The following C5 variants were observed in gnomAD, a reference collection of about 807,000 sequenced individuals.
C5 encodes C3 and PZP-like alpha-2-macroglobulin domain-containing protein 4.
C5 carries 140 observed loss-of-function variants against 218.8 expected under a neutral mutation model. The observed-to-expected ratio is 0.64, with a 90% CI of 0.56 to 0.74. C5 has a LOEUF of 0.74. Among genes scored for constraint, C5 ranks in the 30% least tolerant of loss-of-function variants. The pLI, the probability that C5 is intolerant of heterozygous loss-of-function variation, is 0.00. For missense variants in C5, 1,700 were observed against 1,969.6 expected, an observed-to-expected ratio of 0.86 and a Z score of 2.59; for synonymous variants, 614 against 682.3, an observed-to-expected ratio of 0.90 and a Z score of 1.56.
intron 26 of C5, 77 bp downstream of exon 26, chr9:120,982,578 C>T: frequency 4.3e-6 from 5 of 1,154,406 alleles, no homozygotes; most frequent in South Asian, 4.0e-5. Flanking sequence ...TCTTCTTCTT[C>T]ATCCTCCCAT....
chr9:120,962,092 C>T (rs968194442), intron 36 of C5, among the ~76,000 whole-genome samples: 1 of 152,152 alleles, frequency 6.6e-6, no homozygotes, highest in African/African-American at 2.4e-5. Context: ...GCTCTCCAAC[C>T]ACATAACATT....
At chr9:121,070,239 C>T in the C5 span, among the ~76,000 whole-genome samples, 3 of 151,672 alleles carry the variant, frequency 2.0e-5, no homozygotes, top group Non-Finnish European at 2.9e-5. Flanking sequence ...CGCCTCTAAT[C>T]CCAGCTACTC....
At chr9:121,008,295 GA>G (rs1396501413) in intron 18 of C5, 112 bp downstream of exon 18, 30 of 775,060 alleles carry the variant, frequency 3.9e-5, no homozygotes, top group Non-Finnish European at 6.0e-5. Context: ...CAAATTGCAG[GA>G]TCATCTTAAC....
chr9:121,042,144 A>T (rs2047587009), intron 3 of C5, among the ~76,000 whole-genome samples: 2 of 152,300 alleles, frequency 1.3e-5, no homozygotes, highest in South Asian at 4.1e-4. Context: ...TACATCTCTA[A>T]TATTCTATTT....
At chr9:121,006,525 C>T (rs1214933926) in intron 19 of C5, among the ~76,000 whole-genome samples, 3 of 152,068 alleles carry the variant, frequency 2.0e-5, no homozygotes, top group African/African-American at 7.2e-5. Context: ...CACAAGCTCC[C>T]AGTCAGTGAG....
chr9:120,996,292 A>G lies in C5; in HGVS notation c.2799T>C (p.Gly933=). The stretch of plus-strand genomic sequence containing the variant: ...CACCAGAATAGCTTTCCCTTTTGAC[A>G]CCTTCTGGCTAAAATAAAGGCAGAA... ...LVKTLRVVPE[G]VKRESYSGVT... The change falls in exon 22 of 41, where the codon GGT becomes GGC. Residue 933 remains glycine, a synonymous_variant. Coordinates refer to ENST00000223642, the MANE Select transcript of C5 (RefSeq NM_001735.3). 1 of 1,612,284 alleles carries G rather than the reference A, an allele frequency of 6.2e-7. No individual in the cohort carries two copies. The highest frequency in any genetic ancestry group is 1.3e-5 in the African/African-American group (1 of 75,006).
At chr9:121,013,311 T>G (rs1488339679) in intron 17 of C5, among the ~76,000 whole-genome samples, 3 of 132,586 alleles carry the variant, frequency 2.3e-5, no homozygotes, top group African/African-American at 9.6e-5. Context: ...AGAGCCAGAT[T>G]CCTACTGAAA....
At chr9:121,012,547 A>C (rs2047270529) in intron 17 of C5, among the ~76,000 whole-genome samples, 1 of 152,192 alleles carries the variant, frequency 6.6e-6, no homozygotes, top group Admixed American at 6.5e-5. Context: ...CAAAACAAAT[A>C]TTGGAAAACA....
chr9:121,028,770 C>G lies in C5; in HGVS notation c.759-1496G>C, dbSNP rs540180455. Among the ~76,000 whole-genome samples, 95 of 152,290 alleles carry G rather than the reference C, an allele frequency of 6.2e-4. 1 individual carries two copies. Among genetic ancestry groups the G allele is most frequent in the Admixed American group, 9.8e-4 (15 of 15,298 alleles). ...TGAGTTAATAGGTGCAGCAAACCAACATGGCACATGTATACCTATGTAACA... is the reference window on the plus strand; with the variant it reads ...TGAGTTAATAGGTGCAGCAAACCAAGATGGCACATGTATACCTATGTAACA... On this transcript the variant is annotated intron_variant, in intron 7 of 40. Coordinates refer to ENST00000223642, the MANE Select transcript of C5 (RefSeq NM_001735.3).
rs770445612 is a variant in C5, at chr9:120,952,811, T to C, written c.4959A>G (p.Thr1653=). 1.4e-5 allele frequency: 22 copies of C among 1,612,684 alleles called. No homozygotes were observed. Among genetic ancestry groups the C allele is most frequent in the Non-Finnish European group, 1.8e-5 (21 of 1,178,842 alleles). ...CTAAAAATGCTTGACACGATGAACA[T>C]GTTGTGTCTCTAGGCCAGTATTCAA... ...TWIEYWPRDT[T]CSSCQAFLAN... Residue 1653 remains threonine (T), a synonymous_variant, in exon 41 of 41, where the codon ACA becomes ACG. Coordinates refer to ENST00000223642, the MANE Select transcript of C5 (RefSeq NM_001735.3).
intron 21 of C5, among the ~76,000 whole-genome samples, chr9:120,996,592 G>T (rs41309900): frequency 0.031 from 4,690 of 152,308 alleles, 242 homozygotes; most frequent in African/African-American, 0.11. Flanking sequence ...GGTTGGTGCT[G>T]TTATTACTCC....
chr9:121,017,765 G>C lies in C5; in HGVS notation c.1594C>G (p.Gln532Glu). 1 of 1,613,080 alleles carries C rather than the reference G, an allele frequency of 6.2e-7. No individual in the cohort carries two copies. The highest frequency in any genetic ancestry group is 8.5e-7 in the Non-Finnish European group (1 of 1,179,098). ...SYQSINIPVTQNMVPSSRLLV... is the reference protein window; with the variant it reads ...SYQSINIPVTENMVPSSRLLV... ...AGTCGGGATGAAGGAACCATGTTCT[G>C]TGTTACTGGAATGTTTATACTTTGA... Residue 532 changes from glutamine (Q) to glutamate (E), a missense_variant, in exon 13 of 41, where the codon CAG (glutamine) becomes GAG (glutamate). Physicochemically the swap from Gln to Glu is conservative, Grantham distance 29. Coordinates refer to ENST00000223642, the MANE Select transcript of C5 (RefSeq NM_001735.3).
chr9:120,992,531 G>A (rs1324943575), intron 22 of C5, among the ~76,000 whole-genome samples: 1 of 152,184 alleles, frequency 6.6e-6, no homozygotes, highest in Non-Finnish European at 1.5e-5. Flanking sequence ...AGATAGCCTT[G>A]AGATTATCTA....
intron 20 of C5, among the ~76,000 whole-genome samples, chr9:121,004,239 A>G (rs1214399886): frequency 2.6e-5 from 4 of 152,116 alleles, no homozygotes; most frequent in African/African-American, 9.7e-5. Context: ...TTTTATCAAT[A>G]GTATACTAAT....
Position 120,981,851 on chromosome 9 carries a change from G to A in C5, c.3479C>T (p.Pro1160Leu). Residue 1160 changes from proline (P) to leucine (L), a missense_variant, in exon 27 of 41, where the codon CCC becomes CTC. Pro to Leu is a moderately conservative substitution (Grantham distance 98, BLOSUM62 -3). Coordinates refer to ENST00000223642, the MANE Select transcript of C5 (RefSeq NM_001735.3). The stretch of plus-strand genomic sequence containing the variant: ...AAGAAAACTCTTACTTACCACCAGG[G>A]GGCATATATCGAAAGCCTTTCTAAT... ...IGIRKAFDIC[P>L]LVKIDTALIK... The A allele has an allele frequency of 6.2e-7, 1 of 1,609,048 alleles. No individual in the cohort carries two copies. The highest frequency in any genetic ancestry group is 1.3e-5 in the African/African-American group (1 of 74,904).
At chr9:121,054,341 T>C (rs1457153138), upstream of C5, among the ~76,000 whole-genome samples, 1 of 152,224 alleles carries the variant, frequency 6.6e-6, no homozygotes, top group East Asian at 1.9e-4. Flanking sequence ...GGCTCACTCC[T>C]GTAATCCCAG....
chr9:121,034,299 A>G (rs1172924507), intron 5 of C5, among the ~76,000 whole-genome samples: 3 of 152,204 alleles, frequency 2.0e-5, no homozygotes, highest in South Asian at 2.1e-4. Context: ...GCACATACCA[A>G]GAATGTGTTC....
At position 120,953,944 on chromosome 9, in the gene C5, G is replaced by T. The variant is rs558782207; in HGVS notation, c.4763-76C>A. The T allele has an allele frequency of 3.9e-5, 58 of 1,498,458 alleles. No individual in the cohort carries two copies. In the South Asian group the frequency reaches 6.6e-4, roughly 17 times the overall value. The allele number at this position is 1,498,458 out of a possible 1,614,324, so 92.8% of individuals were successfully genotyped here. On this transcript the variant is annotated intron_variant, in intron 39 of 40. Transcript: ENST00000223642. ...ACAATTATAAACTCTCAAGTTTTCT[G>T]GTTCCTCGTGGCTATTGAGAGGTTC...
At chr9:120,998,414 T>C (rs1315807676) in intron 20 of C5, among the ~76,000 whole-genome samples, 1 of 152,242 alleles carries the variant, frequency 6.6e-6, no homozygotes, top group Non-Finnish European at 1.5e-5. Flanking sequence ...GTGTTTCAGA[T>C]AGTGGGAGCC....
Sources: allele counts gnomAD v4.1 joint callset (sites outside exome capture counted in the v4.1 genomes callset), GRCh38; gene constraint gnomAD v4.1.1; transcripts MANE v1.5; gene names NCBI Gene and HGNC (gene_info 2026-07-23, HGNC 2026-07-21).